The following CLPTM1L variants were observed in gnomAD, a reference collection of about 807,000 sequenced individuals.
The protein encoded by CLPTM1L is lipid scramblase CLPTM1L.
CLPTM1L carries 38 observed loss-of-function variants against 70.9 expected under a neutral mutation model. The observed-to-expected ratio is 0.54, with a 90% CI of 0.41 to 0.70. The LOEUF (loss-of-function observed/expected upper bound fraction) is 0.70. Ranked by LOEUF, CLPTM1L falls within the 30% of genes least tolerant of loss-of-function variation. The pLI is 0.00. For synonymous variants in CLPTM1L, 339 were observed against 299.9 expected, an observed-to-expected ratio of 1.13 and a Z score of -1.35; for missense variants, 652 against 705.9, an observed-to-expected ratio of 0.92 and a Z score of 0.87.
chr5:1,328,943 CCATCCAGCTCCTCCTCTACAGACACATTT>C (rs1561237699), intron 9 of CLPTM1L, among the ~76,000 whole-genome samples: 1 of 143,696 alleles, frequency 7.0e-6, no homozygotes, highest in Non-Finnish European at 1.5e-5. Context: ...CAGGGACATT[CCATCCAGCTCCTCCTCTACAGACACATTT>C]CATACAGCTC....
At chr5:1,341,627 C>G (rs772595128) in intron 3 of CLPTM1L, 44 bp downstream of exon 3, 26 of 1,518,978 alleles carry the variant, frequency 1.7e-5, no homozygotes, top group Middle Eastern at 1.7e-4. Context: ...TCCGTTCTGA[C>G]GGAGAGGCAC....
chr5:1,318,353 G>A lies in CLPTM1L; in HGVS notation c.*16C>T. 6.2e-7 allele frequency: 1 copy of A among 1,608,258 alleles called. No homozygotes were observed. The highest frequency in any genetic ancestry group is 1.1e-5 in the South Asian group (1 of 90,742). ...CAATTCAAGTTGCACTTGGCTGGCG[G>A]CAGCCCGGGCGGCCTTCAGTCCGTG... On this transcript the variant is annotated 3_prime_UTR_variant, in exon 17 of 17. Transcript: ENST00000320895. The surrounding 1 kb of genome is among the most constrained non-coding windows in gnomAD (Gnocchi z 8.9).
rs143242019 is a variant in CLPTM1L at position 1,320,651 on chromosome 5, G to T, written c.1497C>A (p.Asp499Glu). Residue 499 changes from aspartate to glutamate, a missense_variant, in exon 16 of 17, where the codon GAC becomes GAA. Asp to Glu is a conservative substitution (Grantham distance 45). Transcript: ENST00000320895. Reference protein sequence around the residue: ...PTSHRLACFRDDVVFLVYLYQ... With the variant: ...PTSHRLACFREDVVFLVYLYQ... ...ACAGGTAGACCAGAAACACCACGTC[G>T]TCCCGGAAGCAGGCCAGCCGGTGAG... 4.5e-6 allele frequency: 7 copies of T among 1,546,222 alleles called. No homozygotes were observed. Among genetic ancestry groups the T allele is most frequent in the Non-Finnish European group, 6.1e-6 (7 of 1,144,492 alleles).
intron 2 of CLPTM1L, among the ~76,000 whole-genome samples, chr5:1,343,124 G>A (rs1374866320): frequency 6.6e-6 from 1 of 152,098 alleles, no homozygotes; most frequent in African/African-American, 2.4e-5. Flanking sequence ...CCGGGAACCG[G>A]AGGTTGCAGT....
chr5:1,330,229 G>A (rs753261448), intron 9 of CLPTM1L, 51 bp downstream of exon 9: 2 of 1,462,568 alleles, frequency 1.4e-6, no homozygotes, highest in East Asian at 4.6e-5. Flanking sequence ...TTTCCTGAGT[G>A]CGTGGAGGCA....
intron 12 of CLPTM1L, among the ~76,000 whole-genome samples, chr5:1,323,500 C>G (rs548173991): frequency 6.6e-6 from 1 of 152,254 alleles, no homozygotes; most frequent in South Asian, 2.1e-4. Flanking sequence ...GGCCAGCACC[C>G]CACACGGGCA....
Position 1,318,502 on chromosome 5 carries a change from T to A in CLPTM1L, c.1533-49A>T. The A allele has an allele frequency of 6.8e-7, 1 of 1,471,988 alleles. No individual in the cohort carries two copies. Among genetic ancestry groups the A allele is most frequent in the South Asian group, 1.2e-5 (1 of 86,380 alleles). The allele number at this position is 1,471,988 out of a possible 1,614,324, so 91.2% of individuals were successfully genotyped here. Reference sequence around the variant, plus strand: ...TCAGCAAACCCCACTGCAGGGGCTATTTTTCTAAGAGGAGGACTTGGCATC... The same window carrying A: ...TCAGCAAACCCCACTGCAGGGGCTAATTTTCTAAGAGGAGGACTTGGCATC... On this transcript the variant is annotated intron_variant, in intron 16 of 16. Coordinates refer to ENST00000320895, the MANE Select transcript of CLPTM1L (RefSeq NM_030782.5). The surrounding 1 kb of genome is among the most constrained non-coding windows in gnomAD (Gnocchi z 8.9).
intron 3 of CLPTM1L, 151 bp downstream of exon 3, chr5:1,341,520 G>T: frequency 1.7e-6 from 1 of 587,010 alleles, no homozygotes; most frequent in Non-Finnish European, 2.9e-6. Flanking sequence ...CTGAAAGTCA[G>T]AAATGCACGC....
intron 10 of CLPTM1L, chr5:1,325,411 AC>A (rs1437362643): frequency 7.8e-6 from 3 of 382,996 alleles, no homozygotes; most frequent in African/African-American, 6.0e-5. Context: ...CCAGGACTGT[AC>A]GGACCCCAGT....
chr5:1,322,563 C>T (rs985724135), intron 13 of CLPTM1L, among the ~76,000 whole-genome samples: 2 of 152,208 alleles, frequency 1.3e-5, no homozygotes, highest in South Asian at 2.1e-4. Context: ...TTTTCATCAG[C>T]GATGGACACA....
At position 1,333,269 on chromosome 5, in the gene CLPTM1L, T is replaced by C. The variant is rs1329775580; in HGVS notation, c.891+1020A>G. On this transcript the variant is annotated intron_variant, in intron 7 of 16. Transcript: ENST00000320895. ...TACACACCAGATAAGGGGGGACTAC[T>C]GTATACACACCAGATGAGGATAAGG... Among the ~76,000 whole-genome samples the C allele has an allele frequency of 1.7e-5, 2 of 120,052 alleles. 1 individual carries two copies. The highest frequency in any genetic ancestry group is 3.4e-5 in the Non-Finnish European group (2 of 58,458). 78.8% of individuals were successfully genotyped at this position (120,052 alleles called of 152,430 possible).
intron 9 of CLPTM1L, 190 bp from the exon 10 acceptor site, chr5:1,326,006 C>T (rs1040705779): frequency 3.4e-6 from 2 of 579,868 alleles, no homozygotes; most frequent in Non-Finnish European, 6.2e-6. Flanking sequence ...CCACACACGG[C>T]AGGCGTACCT....
chr5:1,325,020 A>G (rs1380692030), intron 10 of CLPTM1L: 1 of 603,312 alleles, frequency 1.7e-6, no homozygotes, highest in Non-Finnish European at 3.0e-6. Flanking sequence ...CCTGGGTCCC[A>G]CAAGCCTGAT....
chr5:1,328,324 C>CAG (rs1422242370), intron 9 of CLPTM1L, among the ~76,000 whole-genome samples: 1 of 57,050 alleles, frequency 1.8e-5, no homozygotes, highest in Non-Finnish European at 3.8e-5. Context: ...TACTCCTCTA[C>CAG]GGACACATTT....
rs530075166 is a variant in CLPTM1L at position 1,323,461 on chromosome 5, C to T, written c.1280+326G>A. 3.4e-5 allele frequency among the ~76,000 whole-genome samples: 5 copies of T among 149,016 alleles called. No homozygotes were observed. The South Asian group carries it at 6.4e-4, about 19-fold the overall frequency. ...AACACCCCACCCAGGCAGCAGAGGCCGGGGGCTCCGGGAACCCTCTCAGCT... is the reference window on the plus strand; with the variant it reads ...AACACCCCACCCAGGCAGCAGAGGCTGGGGGCTCCGGGAACCCTCTCAGCT... On this transcript the variant is annotated intron_variant, in intron 12 of 16. Coordinates refer to ENST00000320895, the MANE Select transcript of CLPTM1L (RefSeq NM_030782.5).
chr5:1,334,998 G>T, intron 6 of CLPTM1L, 59 bp downstream of exon 6: 1 of 1,345,792 alleles, frequency 7.4e-7, no homozygotes, highest in Non-Finnish European at 1.1e-6. Flanking sequence ...ATTCGCACTT[G>T]GATGCCCGAG....
chr5:1,333,046 T>G (rs4975633), intron 7 of CLPTM1L, among the ~76,000 whole-genome samples: 19 of 81,784 alleles, frequency 2.3e-4, no homozygotes, highest in Non-Finnish European at 2.7e-4. Context: ...GACTACTGTA[T>G]ACACACCGGA....
intron 15 of CLPTM1L, among the ~76,000 whole-genome samples, chr5:1,321,363 CAT>C (rs949713539): frequency 3.0e-4 from 45 of 152,204 alleles, no homozygotes; most frequent in Middle Eastern, 3.2e-3. Flanking sequence ...TGTCTTGACA[CAT>C]GTGCTAAGAA....
In CLPTM1L at chr5:1,321,787, G is replaced by A. The variant is rs1752169481; in HGVS notation, c.1348C>T (p.Pro450Ser). 6.2e-7 allele frequency: 1 copy of A among 1,614,086 alleles called. No homozygotes were observed. The highest frequency in any genetic ancestry group is 2.2e-5 in the East Asian group (1 of 44,882). ...ACCTTGTAGTTCACAAAGAGCTGGG[G>A]CAGCATGAAGAGGAAACCAAAGGCA... Reference protein sequence around the residue: ...VYAFGFLFMLPQLFVNYKLKS... With the variant: ...VYAFGFLFMLSQLFVNYKLKS... The change falls in exon 14 of 17, where the codon CCC becomes TCC. Residue 450 changes from proline (P) to serine (S), a missense_variant. Physicochemically the swap from Pro to Ser is moderately conservative, Grantham distance 74. Coordinates refer to ENST00000320895, the MANE Select transcript of CLPTM1L (RefSeq NM_030782.5).
Sources: gnomAD v4.1 joint callset for allele counts (sites outside exome capture counted in the v4.1 genomes callset) on GRCh38, gnomAD v4.1.1 for gene constraint, Gnocchi (gnomAD v3.1) non-coding constraint, MANE v1.5 for transcripts, NCBI Gene and HGNC (gene_info 2026-07-23, HGNC 2026-07-21) for gene names.